FGGY: variants seen among roughly 807,000 people sequenced by gnomAD.
The protein encoded by FGGY is FGGY carbohydrate kinase domain containing.
FGGY carries 72 observed loss-of-function variants against 71.3 expected under a neutral mutation model. The observed-to-expected ratio is 1.01, with a 90% confidence interval of 0.84 to 1.23. The LOEUF (loss-of-function observed/expected upper bound fraction) is 1.23. Among genes scored for constraint, FGGY ranks in the 50% most tolerant of loss-of-function variants. The pLI, the probability that FGGY is intolerant of heterozygous loss-of-function variation, is 0.00. For missense variants in FGGY, 668 were observed against 682.3 expected (o/e 0.98, Z 0.23); for synonymous variants, 251 against 250.3 (o/e 1.00, Z -0.02).
chr1:59,372,535 G>A (rs2057863575), intron 4 of FGGY, among the ~76,000 whole-genome samples: 3 of 152,154 alleles, frequency 2.0e-5, no homozygotes, highest in South Asian at 4.1e-4. Context: ...TAGAAAAAGA[G>A]GGAATCCTCC....
chr1:59,746,584 C>T (rs183583761), intron 14 of FGGY, among the ~76,000 whole-genome samples: 1 of 152,266 alleles, frequency 6.6e-6, no homozygotes, highest in East Asian at 1.9e-4. Flanking sequence ...ACCTCCCAGA[C>T]TCAAGGGATC....
chr1:59,613,513 T>C (rs1260925688), intron 9 of FGGY, among the ~76,000 whole-genome samples: 1 of 152,096 alleles, frequency 6.6e-6, no homozygotes, highest in Non-Finnish European at 1.5e-5. Context: ...TAGAGGGAAA[T>C]TTATAGCACT....
chr1:59,423,114 A>C (rs1188867261), intron 5 of FGGY, among the ~76,000 whole-genome samples: 1 of 152,190 alleles, frequency 6.6e-6, no homozygotes, highest in Admixed American at 6.5e-5. Flanking sequence ...GAGATCAGGA[A>C]ACTGGACCAA....
chr1:59,400,519 A>T (rs897752231), intron 5 of FGGY, among the ~76,000 whole-genome samples: 14 of 145,668 alleles, frequency 9.6e-5, no homozygotes, highest in Admixed American at 6.1e-4. Context: ...TGAGACCTTC[A>T]TTTTTTTCTC....
intron 13 of FGGY, among the ~76,000 whole-genome samples, chr1:59,671,134 G>A (rs1208006235): frequency 1.3e-5 from 2 of 152,200 alleles, no homozygotes; most frequent in Non-Finnish European, 2.9e-5. Flanking sequence ...CCAGCCAAGA[G>A]GTTCTTTATA....
At chr1:59,578,549 CA>C (rs1436481076) in intron 8 of FGGY, among the ~76,000 whole-genome samples, 1 of 152,070 alleles carries the variant, frequency 6.6e-6, no homozygotes, top group Non-Finnish European at 1.5e-5. Context: ...GGAGAATTTT[CA>C]ATTAGCCAAA....
intron 10 of FGGY, chr1:59,626,292 A>T (rs1365068529): frequency 7.5e-6 from 3 of 401,552 alleles, no homozygotes. Flanking sequence ...AGAAACTCTG[A>T]TGTAGAAGAA....
intron 11 of FGGY, among the ~76,000 whole-genome samples, chr1:59,643,788 T>C (rs1172455898): frequency 6.6e-6 from 1 of 152,186 alleles, no homozygotes; most frequent in African/African-American, 2.4e-5. Flanking sequence ...TTTTAAAATA[T>C]CAACAGTTCT....
intron 14 of FGGY, among the ~76,000 whole-genome samples, chr1:59,685,652 A>T (rs1221375556): frequency 2.0e-5 from 3 of 152,224 alleles, no homozygotes; most frequent in Non-Finnish European, 4.4e-5. Context: ...CTGCCAAAGA[A>T]TGTTGAAAAT....
chr1:59,544,306 G>A (rs2095489034), intron 7 of FGGY, among the ~76,000 whole-genome samples: 1 of 152,126 alleles, frequency 6.6e-6, no homozygotes, highest in East Asian at 1.9e-4. Flanking sequence ...AATATGATAG[G>A]GCAAGAAGGG....
chr1:59,492,967 C>T (rs2093915505), intron 6 of FGGY, among the ~76,000 whole-genome samples: 1 of 152,072 alleles, frequency 6.6e-6, no homozygotes, highest in South Asian at 2.1e-4. Flanking sequence ...TATCTTTTTA[C>T]TTTTTAACTT....
intron 4 of FGGY, among the ~76,000 whole-genome samples, chr1:59,357,923 G>A (rs929069387): frequency 6.6e-6 from 1 of 152,196 alleles, no homozygotes. Flanking sequence ...GAGGTACGAG[G>A]AAGGATTGTG....
At chr1:59,316,213 A>G (rs1396649771) in intron 1 of FGGY, 1 of 152,332 alleles carries the variant, frequency 6.6e-6, no homozygotes, top group East Asian at 1.9e-4. Flanking sequence ...AACTCCCAGC[A>G]AAGTCCAAAG....
chr1:59,345,640 C>T (rs2051696236), intron 3 of FGGY, among the ~76,000 whole-genome samples: 1 of 151,974 alleles, frequency 6.6e-6, no homozygotes, highest in Admixed American at 6.6e-5. Context: ...TCATCTGTAA[C>T]TAGCATTCCC....
At chr1:59,626,204 G>A (rs1037076549) in intron 10 of FGGY, 155 bp downstream of exon 10, 15 of 560,338 alleles carry the variant, frequency 2.7e-5, no homozygotes, top group African/African-American at 2.5e-4. Flanking sequence ...GAAGATAGAT[G>A]TATTAATTCT....
At chr1:59,533,789 A>T (rs1236406960) in intron 7 of FGGY, among the ~76,000 whole-genome samples, 3 of 152,222 alleles carry the variant, frequency 2.0e-5, no homozygotes, top group Admixed American at 6.5e-5. Flanking sequence ...TAGAAGGAAA[A>T]CTAACAAACA....
intron 7 of FGGY, among the ~76,000 whole-genome samples, chr1:59,537,970 T>C (rs928700250): frequency 6.6e-6 from 1 of 152,116 alleles, no homozygotes; most frequent in African/African-American, 2.4e-5. Context: ...CCAAAAGCAA[T>C]GGCAACAAAA....
intron 8 of FGGY, among the ~76,000 whole-genome samples, chr1:59,596,340 A>G (rs1338853367): frequency 6.6e-6 from 1 of 151,576 alleles, no homozygotes; most frequent in Non-Finnish European, 1.5e-5. Flanking sequence ...TGAATTTACC[A>G]AGGGACATAT....
intron 14 of FGGY, among the ~76,000 whole-genome samples, chr1:59,682,027 A>G (rs1453561244): frequency 6.6e-6 from 1 of 152,234 alleles, no homozygotes; most frequent in Non-Finnish European, 1.5e-5. Flanking sequence ...AATCTTGAGT[A>G]GCATGTATTT....
Sources: allele counts gnomAD v4.1 joint callset (sites outside exome capture counted in the v4.1 genomes callset), GRCh38; gene constraint gnomAD v4.1.1; transcripts MANE v1.5; gene names NCBI Gene and HGNC (gene_info 2026-07-23, HGNC 2026-07-21).